Variants in LNX2 observed in about 807,000 individuals in gnomAD.
The protein encoded by LNX2 is ligand of Numb protein X 2.
Under a neutral mutation model 66.2 loss-of-function variants are expected in LNX2, and 35 were observed. The observed-to-expected ratio is 0.53, with a 90% CI of 0.40 to 0.70. The LOEUF (loss-of-function observed/expected upper bound fraction) is 0.70. Ranked by LOEUF, LNX2 falls within the 30% of genes least tolerant of loss-of-function variation. The probability of loss-of-function intolerance (pLI) is 0.00; values close to 1 mark genes in which losing one functional copy is unlikely to be tolerated. For synonymous variants in LNX2, 337 were observed against 315.6 expected, an observed-to-expected ratio of 1.07 and a Z score of -0.72; for missense variants, 791 against 850.8, an observed-to-expected ratio of 0.93 and a Z score of 0.87.
At chr13:27,578,649 T>C (rs1282679984) in intron 2 of LNX2, among the ~76,000 whole-genome samples, 2 of 152,178 alleles carry the variant, frequency 1.3e-5, no homozygotes, top group Non-Finnish European at 2.9e-5. Context: ...ATGTAAGAAC[T>C]TTAAATACCC....
chr13:27,596,483 G>T (rs1955600292), intron 1 of LNX2, among the ~76,000 whole-genome samples: 1 of 152,126 alleles, frequency 6.6e-6, no homozygotes, highest in African/African-American at 2.4e-5. Flanking sequence ...AAAAGATGGT[G>T]AACAGGAAAG....
chr13:27,553,496 A>G, intron 7 of LNX2, 57 bp from the exon 8 acceptor site: 1 of 1,348,752 alleles, frequency 7.4e-7, no homozygotes, highest in Non-Finnish European at 1.1e-6. Flanking sequence ...TCACCTGCAA[A>G]TCTTGTTGTT....
At chr13:27,575,607 T>C (rs1427350031) in intron 2 of LNX2, among the ~76,000 whole-genome samples, 1 of 152,120 alleles carries the variant, frequency 6.6e-6, no homozygotes, top group African/African-American at 2.4e-5. Context: ...TCTCAGACCT[T>C]CTGACTGAGA....
intron 2 of LNX2, among the ~76,000 whole-genome samples, chr13:27,576,686 C>T (rs1955343423): frequency 6.6e-6 from 1 of 151,428 alleles, no homozygotes; most frequent in South Asian, 2.1e-4. Context: ...GATTGCACTG[C>T]TTCACTCTAG....
intron 4 of LNX2, among the ~76,000 whole-genome samples, chr13:27,565,616 T>C (rs905560346): frequency 2.6e-5 from 4 of 152,178 alleles, no homozygotes; most frequent in Non-Finnish European, 5.9e-5. Context: ...GATAACTAAA[T>C]AGCTAGCTAT....
intron 1 of LNX2, among the ~76,000 whole-genome samples, chr13:27,606,954 G>C (rs1593264852): frequency 6.6e-6 from 1 of 152,170 alleles, no homozygotes; most frequent in South Asian, 2.1e-4. Context: ...AAATGAAGTT[G>C]CATGCCCAAG....
At chr13:27,604,195 G>C (rs1458415927) in intron 1 of LNX2, among the ~76,000 whole-genome samples, 1 of 152,224 alleles carries the variant, frequency 6.6e-6, no homozygotes, top group Non-Finnish European at 1.5e-5. Flanking sequence ...GCAGTGAGCC[G>C]AGACTGCGCC....
At chr13:27,594,708 C>T (rs546110973) in intron 1 of LNX2, among the ~76,000 whole-genome samples, 6 of 152,182 alleles carry the variant, frequency 3.9e-5, no homozygotes, top group South Asian at 2.1e-4. Flanking sequence ...CCTCAAGGCA[C>T]GCCTATATTC....
At chr13:27,598,399 A>G (rs1955622520) in intron 1 of LNX2, among the ~76,000 whole-genome samples, 1 of 152,322 alleles carries the variant, frequency 6.6e-6, no homozygotes, top group African/African-American at 2.4e-5. Flanking sequence ...AAAGGGGATG[A>G]GACCGATGTC....
At chr13:27,554,310 A>T (rs546914385) in intron 7 of LNX2, among the ~76,000 whole-genome samples, 1 of 152,332 alleles carries the variant, frequency 6.6e-6, no homozygotes, top group East Asian at 1.9e-4. Context: ...TTTAAAGAAC[A>T]TAATTTTATG....
intron 1 of LNX2, among the ~76,000 whole-genome samples, chr13:27,611,545 C>T (rs993742703): frequency 3.3e-5 from 5 of 152,086 alleles, no homozygotes; most frequent in African/African-American, 4.8e-5. Flanking sequence ...TATATTTAAA[C>T]GTGTACACTT....
chr13:27,566,841 G>C (rs570205474), intron 4 of LNX2, among the ~76,000 whole-genome samples: 5 of 152,210 alleles, frequency 3.3e-5, no homozygotes, highest in African/African-American at 1.2e-4. Flanking sequence ...CTCTCTCCTA[G>C]AAGTTATCCG....
chr13:27,551,464 TA>T (rs1955006695), intron 8 of LNX2, among the ~76,000 whole-genome samples: 1 of 151,596 alleles, frequency 6.6e-6, no homozygotes, highest in Non-Finnish European at 1.5e-5. Flanking sequence ...AGTAAAATCT[TA>T]AAAACAAAAC....
At chr13:27,592,000 C>T (rs1593257597) in intron 1 of LNX2, among the ~76,000 whole-genome samples, 1 of 152,276 alleles carries the variant, frequency 6.6e-6, no homozygotes, top group East Asian at 1.9e-4. Flanking sequence ...GCGAGAATGT[C>T]CCTGGTGTGT....
chr13:27,556,440 G>T (rs1456748721), intron 6 of LNX2, 27 bp from the exon 7 acceptor site: 1 of 1,586,080 alleles, frequency 6.3e-7, no homozygotes, highest in African/African-American at 1.3e-5. Flanking sequence ...AAAAATCATT[G>T]GATAATGAAT....
At chr13:27,582,532 A>G (rs1305669461) in intron 1 of LNX2, among the ~76,000 whole-genome samples, 1 of 152,196 alleles carries the variant, frequency 6.6e-6, no homozygotes, top group African/African-American at 2.4e-5. Context: ...ATGTCATCTT[A>G]GACATGCTTC....
chr13:27,616,434 A>T (rs928078306), intron 1 of LNX2, among the ~76,000 whole-genome samples: 1 of 152,184 alleles, frequency 6.6e-6, no homozygotes, highest in African/African-American at 2.4e-5. Context: ...TCAGAGAGGT[A>T]TAACAAGTCA....
chr13:27,607,772 C>T (rs1463124773), intron 1 of LNX2, among the ~76,000 whole-genome samples: 4 of 152,148 alleles, frequency 2.6e-5, no homozygotes, highest in African/African-American at 9.7e-5. Flanking sequence ...TGGGAAACCT[C>T]CAGGAGAGGG....
intron 2 of LNX2, among the ~76,000 whole-genome samples, chr13:27,575,141 C>T (rs1039857215): frequency 2.6e-5 from 4 of 152,154 alleles, no homozygotes; most frequent in African/African-American, 9.7e-5. Flanking sequence ...AGCATCAGTA[C>T]AGTACTGAAT....
Sources: allele counts gnomAD v4.1 joint callset (sites outside exome capture counted in the v4.1 genomes callset), GRCh38; gene constraint gnomAD v4.1.1; transcripts MANE v1.5; gene names NCBI Gene and HGNC (gene_info 2026-07-23, HGNC 2026-07-21).